IMMP2L: variants seen among roughly 807,000 people sequenced by gnomAD.
The protein encoded by IMMP2L is inner mitochondrial membrane peptidase subunit 2, also known as mitochondrial inner membrane protease subunit 2.
In IMMP2L, 18 loss-of-function variants were observed where a neutral mutation model predicts 19.3. The ratio of observed to expected loss-of-function variants is 0.93; its 90% CI spans 0.64 to 1.38. The LOEUF is 1.38. Ranked by LOEUF, IMMP2L falls within the 40% of genes most tolerant of loss-of-function variation. The probability of loss-of-function intolerance (pLI) is 0.00; values close to 1 mark genes in which losing one functional copy is unlikely to be tolerated. For synonymous variants in IMMP2L, 76 were observed against 73.0 expected, an observed-to-expected ratio of 1.04 and a Z score of -0.21; for missense variants, 233 against 218.2, an observed-to-expected ratio of 1.07 and a Z score of -0.43.
intron 3 of IMMP2L, among the ~76,000 whole-genome samples, chr7:111,225,760 C>T (rs1183623319): frequency 2.6e-5 from 4 of 150,994 alleles, no homozygotes; most frequent in Non-Finnish European, 5.9e-5. Context: ...TATCCAATTC[C>T]ATCACATGGT....
intron 4 of IMMP2L, among the ~76,000 whole-genome samples, chr7:110,940,416 C>G (rs1405712151): frequency 6.6e-6 from 1 of 151,652 alleles, no homozygotes; most frequent in Non-Finnish European, 1.5e-5. Flanking sequence ...CATTAGTAAT[C>G]AAAAAATTAT....
chr7:110,917,166 T>C (rs192217151), intron 4 of IMMP2L, among the ~76,000 whole-genome samples: 4 of 152,198 alleles, frequency 2.6e-5, no homozygotes, highest in Admixed American at 2.0e-4. Flanking sequence ...GAGTGATACA[T>C]CCTCAAGCTC....
At chr7:111,286,417 A>G (rs543714659) in intron 3 of IMMP2L, among the ~76,000 whole-genome samples, 2 of 152,266 alleles carry the variant, frequency 1.3e-5, no homozygotes, top group African/African-American at 4.8e-5. Flanking sequence ...ATGACCCTCA[A>G]TCTGTCAATG....
chr7:111,253,319 A>C (rs1236383842), intron 3 of IMMP2L, among the ~76,000 whole-genome samples: 1 of 152,194 alleles, frequency 6.6e-6, no homozygotes, highest in Non-Finnish European at 1.5e-5. Flanking sequence ...TTAAGTGTAC[A>C]GCAGAGCAAA....
At chr7:110,899,311 AC>A (rs1406418802) in intron 4 of IMMP2L, among the ~76,000 whole-genome samples, 1 of 152,168 alleles carries the variant, frequency 6.6e-6, no homozygotes, top group Non-Finnish European at 1.5e-5. Context: ...TAATAGAGCT[AC>A]CTTATCAAAG....
intron 4 of IMMP2L, among the ~76,000 whole-genome samples, chr7:110,928,940 A>C (rs1484284589): frequency 2.0e-5 from 3 of 152,130 alleles, no homozygotes; most frequent in African/African-American, 7.2e-5. Context: ...GCTGATCTCC[A>C]CCTGGCCACA....
chr7:111,031,934 A>AGTTTT (rs1790869008), intron 3 of IMMP2L, among the ~76,000 whole-genome samples: 1 of 108,074 alleles, frequency 9.3e-6, no homozygotes, highest in Non-Finnish European at 1.8e-5. Flanking sequence ...AACACCAGAG[A>AGTTTT]TTTTTTTTTT....
chr7:111,016,375 TTA>T (rs1321817268), intron 3 of IMMP2L, among the ~76,000 whole-genome samples: 13 of 143,744 alleles, frequency 9.0e-5, no homozygotes, highest in East Asian at 2.0e-4. Context: ...ATTTATATTT[TTA>T]TATGATATAT....
intron 3 of IMMP2L, among the ~76,000 whole-genome samples, chr7:111,215,220 C>A (rs1004712268): frequency 2.0e-5 from 3 of 152,100 alleles, no homozygotes; most frequent in African/African-American, 7.2e-5. Context: ...AAGTACTTTC[C>A]AGATCATCTA....
intron 4 of IMMP2L, among the ~76,000 whole-genome samples, chr7:110,947,735 C>A (rs181953028): frequency 6.6e-6 from 1 of 152,168 alleles, no homozygotes; most frequent in Admixed American, 6.6e-5. Flanking sequence ...AAATTGAAAT[C>A]TAGGCTTCAG....
chr7:110,825,099 G>A (rs527582355), intron 5 of IMMP2L, among the ~76,000 whole-genome samples: 2 of 152,100 alleles, frequency 1.3e-5, no homozygotes, highest in South Asian at 4.2e-4. Flanking sequence ...GCTTCAAAGA[G>A]AATAAAATAC....
intron 3 of IMMP2L, among the ~76,000 whole-genome samples, chr7:111,363,943 C>T (rs572293615): frequency 1.3e-5 from 2 of 152,066 alleles, no homozygotes; most frequent in Non-Finnish European, 2.9e-5. Context: ...TGATTATCAC[C>T]TGTGCCTAAA....
intron 3 of IMMP2L, among the ~76,000 whole-genome samples, chr7:111,108,986 A>G (rs1301059995): frequency 6.6e-6 from 1 of 152,218 alleles, no homozygotes. Flanking sequence ...AATAAAGCTA[A>G]CATTCTAGTG....
chr7:110,837,279 G>C (rs1804585678), intron 5 of IMMP2L, among the ~76,000 whole-genome samples: 1 of 151,714 alleles, frequency 6.6e-6, no homozygotes, highest in African/African-American at 2.4e-5. Context: ...TTCCAGTTTA[G>C]GAGAGAAGAA....
intron 3 of IMMP2L, among the ~76,000 whole-genome samples, chr7:111,211,951 CG>C (rs1201500243): frequency 1.3e-5 from 2 of 152,100 alleles, no homozygotes; most frequent in Non-Finnish European, 2.9e-5. Flanking sequence ...GAGCCAAAAT[CG>C]GGCCACTGCA....
chr7:111,393,137 C>A (rs1832533988), intron 3 of IMMP2L, among the ~76,000 whole-genome samples: 1 of 151,986 alleles, frequency 6.6e-6, no homozygotes, highest in African/African-American at 2.4e-5. Context: ...GGGCAACCAG[C>A]CTGCAACCTG....
chr7:111,164,464 G>T (rs1805614315), intron 3 of IMMP2L, among the ~76,000 whole-genome samples: 1 of 152,036 alleles, frequency 6.6e-6, no homozygotes, highest in Non-Finnish European at 1.5e-5. Context: ...AGGAAGCACT[G>T]GGTCACTAGG....
chr7:110,675,116 C>T (rs1352023791), intron 5 of IMMP2L, among the ~76,000 whole-genome samples: 1 of 151,974 alleles, frequency 6.6e-6, no homozygotes, highest in Non-Finnish European at 1.5e-5. Flanking sequence ...TTTTCTTGAC[C>T]TCCCACCTTT....
chr7:110,763,886 T>C (rs1798498258), intron 5 of IMMP2L, among the ~76,000 whole-genome samples: 1 of 152,138 alleles, frequency 6.6e-6, no homozygotes, highest in Non-Finnish European at 1.5e-5. Flanking sequence ...AATTTGTTCT[T>C]CCAATCTTGC....
Sources: allele counts gnomAD v4.1 joint callset (sites outside exome capture counted in the v4.1 genomes callset), GRCh38; gene constraint gnomAD v4.1.1; transcripts MANE v1.5; gene names NCBI Gene and HGNC (gene_info 2026-07-23, HGNC 2026-07-21).